The following SDK1 variants were observed in gnomAD, a reference collection of about 807,000 sequenced individuals.
SDK1 encodes the protein sidekick cell adhesion molecule 1.
SDK1 carries 157 observed loss-of-function variants against 245.5 expected under a neutral mutation model. The ratio of observed to expected loss-of-function variants is 0.64; its 90% CI spans 0.56 to 0.73. SDK1 has a LOEUF of 0.73. Among genes scored for constraint, SDK1 ranks in the 30% least tolerant of loss-of-function variants. The pLI is 0.00. For missense variants in SDK1, 3,583 were observed against 3,002.3 expected (o/e 1.19, Z -4.52); for synonymous variants, 1,647 against 1,278.5 (o/e 1.29, Z -6.15).
chr7:3,657,377 A>G (rs1036777621), intron 4 of SDK1, among the ~76,000 whole-genome samples: 2 of 152,158 alleles, frequency 1.3e-5, no homozygotes, highest in Middle Eastern at 3.2e-3. Flanking sequence ...GGGAGGTAGC[A>G]TTCCCGGGTG....
At chr7:3,798,211 CTTTTTTTTT>C (rs71029699) in intron 4 of SDK1, among the ~76,000 whole-genome samples, 1 of 53,612 alleles carries the variant, frequency 1.9e-5, no homozygotes, top group African/African-American at 7.1e-5. Flanking sequence ...CCTTGGCACT[CTTTTTTTTT>C]TTTTTTTTTT....
At chr7:4,074,884 C>CTCTCTCTCTCTCTCTG (rs1377225405) in intron 20 of SDK1, among the ~76,000 whole-genome samples, 2 of 62,460 alleles carry the variant, frequency 3.2e-5, no homozygotes, top group African/African-American at 2.4e-4. Context: ...CTCTCTCTCT[C>CTCTCTCTCTCTCTCTG]TGTATATATA....
intron 14 of SDK1, among the ~76,000 whole-genome samples, chr7:3,990,683 C>T (rs562261918): frequency 6.6e-6 from 1 of 152,300 alleles, no homozygotes; most frequent in East Asian, 1.9e-4. Flanking sequence ...TCTTCGTGCT[C>T]CTCATTCCCT....
At chr7:3,945,781 C>T (rs1342878876) in intron 5 of SDK1, among the ~76,000 whole-genome samples, 5 of 151,470 alleles carry the variant, frequency 3.3e-5, no homozygotes, top group Admixed American at 2.6e-4. Flanking sequence ...AGCCCGTAAT[C>T]CCAGCTACCC....
chr7:4,016,094 C>G (rs535639914), intron 16 of SDK1, among the ~76,000 whole-genome samples: 1 of 152,368 alleles, frequency 6.6e-6, no homozygotes, highest in South Asian at 2.1e-4. Context: ...GTGTCTGTCT[C>G]AGCTCCTTCC....
At chr7:3,342,926 GACAT>G (rs1360564389) in intron 1 of SDK1, among the ~76,000 whole-genome samples, 1 of 146,760 alleles carries the variant, frequency 6.8e-6, no homozygotes, top group Non-Finnish European at 1.5e-5. Context: ...CACAGAAAAA[GACAT>G]ACATTCAGTA....
intron 1 of SDK1, among the ~76,000 whole-genome samples, chr7:3,506,374 G>T (rs946597109): frequency 1.3e-5 from 2 of 152,070 alleles, no homozygotes; most frequent in Non-Finnish European, 2.9e-5. Context: ...TGTGTAAGTT[G>T]TATTTTTTCC....
chr7:3,393,784 A>C (rs995182078), intron 1 of SDK1, among the ~76,000 whole-genome samples: 2 of 152,140 alleles, frequency 1.3e-5, no homozygotes, highest in Non-Finnish European at 2.9e-5. Context: ...TCTTCAAAAC[A>C]GCTATTTTGA....
intron 5 of SDK1, among the ~76,000 whole-genome samples, chr7:3,895,143 T>C (rs1781569557): frequency 6.6e-6 from 1 of 152,198 alleles, no homozygotes; most frequent in African/African-American, 2.4e-5. Context: ...GAGGATATCA[T>C]TGCAGTTCAA....
intron 17 of SDK1, among the ~76,000 whole-genome samples, chr7:4,028,844 G>A (rs149402804): frequency 0.034 from 5,214 of 152,242 alleles, 144 homozygotes; most frequent in African/African-American, 0.068. Context: ...AGCCCATTCA[G>A]CGGAAAACCC....
At chr7:3,746,857 A>G (rs1779638020) in intron 4 of SDK1, among the ~76,000 whole-genome samples, 1 of 152,142 alleles carries the variant, frequency 6.6e-6, no homozygotes, top group Admixed American at 6.6e-5. Flanking sequence ...TAATGTTGAT[A>G]TTTTGACCTC....
chr7:3,919,222 C>A (rs1171483720), intron 5 of SDK1, among the ~76,000 whole-genome samples: 3 of 152,248 alleles, frequency 2.0e-5, no homozygotes, highest in Non-Finnish European at 1.5e-5. Flanking sequence ...CCCGGCTTCT[C>A]CCCCAGGCCA....
intron 4 of SDK1, among the ~76,000 whole-genome samples, chr7:3,753,313 A>C (rs1310516919): frequency 6.6e-6 from 1 of 152,216 alleles, no homozygotes; most frequent in Non-Finnish European, 1.5e-5. Context: ...TCCTTACTGT[A>C]AAACGTCACT....
chr7:3,546,383 G>C (rs1583150265), intron 1 of SDK1, among the ~76,000 whole-genome samples: 1 of 152,194 alleles, frequency 6.6e-6, no homozygotes, highest in East Asian at 1.9e-4. Context: ...GAAGGCCCTA[G>C]TTGACCTAAC....
At chr7:3,676,706 A>T (rs1028279443) in intron 4 of SDK1, among the ~76,000 whole-genome samples, 1 of 152,210 alleles carries the variant, frequency 6.6e-6, no homozygotes, top group Non-Finnish European at 1.5e-5. Flanking sequence ...ATGATGATAG[A>T]AAGGAGTTCA....
chr7:4,004,605 A>G (rs1785321623), intron 14 of SDK1, among the ~76,000 whole-genome samples: 1 of 152,174 alleles, frequency 6.6e-6, no homozygotes, highest in Non-Finnish European at 1.5e-5. Flanking sequence ...AATACACACA[A>G]AAATATAGCT....
At chr7:3,757,495 C>A (rs1779966760) in intron 4 of SDK1, among the ~76,000 whole-genome samples, 1 of 152,138 alleles carries the variant, frequency 6.6e-6, no homozygotes, top group African/African-American at 2.4e-5. Flanking sequence ...CTTTGGCCTC[C>A]CAAAGTGCTG....
At chr7:3,332,093 C>G (rs1355243273) in intron 1 of SDK1, among the ~76,000 whole-genome samples, 3 of 152,116 alleles carry the variant, frequency 2.0e-5, no homozygotes, top group East Asian at 1.9e-4. Flanking sequence ...TTTATTCAAA[C>G]TATTATTTTC....
intron 1 of SDK1, among the ~76,000 whole-genome samples, chr7:3,520,194 A>C (rs2705608): frequency 0.7 from 106,119 of 152,012 alleles, 37,375 homozygotes; most frequent in South Asian, 0.81. Context: ...TGTCTTTTGG[A>C]ATAGTGATTT....
Sources: gnomAD v4.1 joint callset for allele counts (sites outside exome capture counted in the v4.1 genomes callset) on GRCh38, gnomAD v4.1.1 for gene constraint, MANE v1.5 for transcripts, NCBI Gene and HGNC (gene_info 2026-07-23, HGNC 2026-07-21) for gene names.